Variants in RTL4 observed in about 807,000 individuals in gnomAD.
RTL4 encodes the protein retrotransposon Gag like 4.
A neutral mutation model predicts 5.3 loss-of-function variants in RTL4; 4 were observed. That is an observed-to-expected ratio of 0.75 (90% confidence interval 0.37 to 1.72). The LOEUF (loss-of-function observed/expected upper bound fraction) is 1.72, where lower values mean the gene tolerates loss of function less well. Among genes scored for constraint, RTL4 ranks in the 40% most tolerant of loss-of-function variants. The pLI, the probability that RTL4 is intolerant of heterozygous loss-of-function variation, is 0.04. For missense variants in RTL4, 260 were observed against 227.1 expected (o/e 1.14, Z -0.93); for synonymous variants, 98 against 87.3 (o/e 1.12, Z -0.68).
the RTL4 span, among the ~76,000 whole-genome samples, chrX:112,389,982 C>A: frequency 1.0e-5 from 1 of 100,306 alleles, no homozygotes; most frequent in Admixed American, 1.1e-4. Context: ...AATGATCTGT[C>A]TAATATTGTC....
chrX:112,323,260 G>T, the RTL4 span, among the ~76,000 whole-genome samples: 7 of 110,660 alleles, frequency 6.3e-5, no homozygotes, highest in Non-Finnish European at 1.1e-4. Context: ...GAATCTTTTT[G>T]TCTGTTAGCT....
the RTL4 span, among the ~76,000 whole-genome samples, chrX:112,166,502 G>A: frequency 8.9e-6 from 1 of 111,735 alleles, no homozygotes; most frequent in African/African-American, 3.3e-5. Context: ...CAATGAATGT[G>A]GGTGAGAATA....
At chrX:112,370,626 T>C in the RTL4 span, among the ~76,000 whole-genome samples, 1 of 111,332 alleles carries the variant, frequency 9.0e-6, no homozygotes, top group Admixed American at 9.6e-5. Flanking sequence ...TCCCTGAATT[T>C]TGAGAAGAGC....
chrX:112,402,736 G>C, the RTL4 span, among the ~76,000 whole-genome samples: 9 of 110,833 alleles, frequency 8.1e-5, 1 homozygote, highest in South Asian at 1.9e-3. Flanking sequence ...TGATGGCTTA[G>C]GAATAAACAT....
the RTL4 span, among the ~76,000 whole-genome samples, chrX:112,304,768 G>A: frequency 1.9e-5 from 2 of 102,877 alleles, no homozygotes; most frequent in African/African-American, 7.2e-5. Flanking sequence ...AGGTATGACA[G>A]AATTTAATAA....
the RTL4 span, among the ~76,000 whole-genome samples, chrX:112,235,790 G>A: frequency 8.9e-6 from 1 of 111,769 alleles, no homozygotes; most frequent in Non-Finnish European, 1.9e-5. Flanking sequence ...CATTCCTGAG[G>A]CAAGGATTCT....
chrX:112,166,156 G>A, the RTL4 span, among the ~76,000 whole-genome samples: 1 of 111,892 alleles, frequency 8.9e-6, no homozygotes, highest in African/African-American at 3.2e-5. Context: ...CAGAGACCCC[G>A]TCCAGTGAAA....
At chrX:112,258,154 T>A in the RTL4 span, among the ~76,000 whole-genome samples, 9 of 110,464 alleles carry the variant, frequency 8.1e-5, no homozygotes, top group Non-Finnish European at 1.1e-4. Flanking sequence ...TTATTAATAG[T>A]CTTCTCTTTT....
the RTL4 span, among the ~76,000 whole-genome samples, chrX:112,104,288 C>T: frequency 8.9e-6 from 1 of 112,009 alleles, no homozygotes; most frequent in Non-Finnish European, 1.9e-5. Context: ...TTTTCTGTAT[C>T]CATTCATCTC....
the RTL4 span, among the ~76,000 whole-genome samples, chrX:112,188,895 A>G: frequency 9.0e-6 from 1 of 110,880 alleles, no homozygotes; most frequent in Non-Finnish European, 1.9e-5. Flanking sequence ...TGGGGCCAAT[A>G]GAGAAAAAAG....
the RTL4 span, among the ~76,000 whole-genome samples, chrX:112,247,334 C>CA: frequency 1.4e-3 from 162 of 111,816 alleles, no homozygotes; most frequent in African/African-American, 5.0e-3. Flanking sequence ...TATGCAACTA[C>CA]AAAATGACGT....
At chrX:112,236,669 A>T in the RTL4 span, among the ~76,000 whole-genome samples, 1 of 107,168 alleles carries the variant, frequency 9.3e-6, no homozygotes, top group Non-Finnish European at 1.9e-5. Context: ...ATCAGTAGAG[A>T]CATCAGAGAC....
chrX:112,226,424 A>G, the RTL4 span, among the ~76,000 whole-genome samples: 1 of 112,023 alleles, frequency 8.9e-6, no homozygotes, highest in African/African-American at 3.2e-5. Context: ...TCATTATTTC[A>G]AGAATGATCC....
the RTL4 span, among the ~76,000 whole-genome samples, chrX:112,323,876 C>T: frequency 8.0e-5 from 9 of 111,910 alleles, no homozygotes; most frequent in African/African-American, 2.9e-4. Context: ...TAGTTTATAA[C>T]CTGTAGTGTC....
chrX:112,445,176 CG>C, the RTL4 span, among the ~76,000 whole-genome samples: 108 of 68,907 alleles, frequency 1.6e-3, no homozygotes, highest in Admixed American at 0.014. Flanking sequence ...TCACCTGTGA[CG>C]GGTGTGAAGG....
At chrX:112,219,456 T>C in the RTL4 span, among the ~76,000 whole-genome samples, 2 of 112,401 alleles carry the variant, frequency 1.8e-5, no homozygotes, top group African/African-American at 6.5e-5. Flanking sequence ...TTGAAGATCA[T>C]GCTAATAATT....
the RTL4 span, among the ~76,000 whole-genome samples, chrX:112,362,151 G>A: frequency 8.9e-6 from 1 of 112,120 alleles, no homozygotes; most frequent in African/African-American, 3.2e-5. Context: ...CTTCTGTAAT[G>A]TCCTCAGCAA....
At chrX:112,102,450 A>G in the RTL4 span, among the ~76,000 whole-genome samples, 1 of 112,044 alleles carries the variant, frequency 8.9e-6, no homozygotes, top group Non-Finnish European at 1.9e-5. Context: ...ACAACTGTCA[A>G]TTCTTCCATC....
the RTL4 span, among the ~76,000 whole-genome samples, chrX:112,326,402 T>A: frequency 4.5e-5 from 5 of 111,288 alleles, no homozygotes; most frequent in African/African-American, 1.6e-4. Flanking sequence ...AGACGGCAAC[T>A]GGAAAATCGG....
Sources: allele counts gnomAD v4.1 joint callset (sites outside exome capture counted in the v4.1 genomes callset), GRCh38; gene constraint gnomAD v4.1.1; transcripts MANE v1.5; gene names NCBI Gene and HGNC (gene_info 2026-07-23, HGNC 2026-07-21).